Variants in PTK6 observed in about 807,000 individuals in gnomAD.
PTK6 encodes protein tyrosine kinase 6.
PTK6 carries 47 observed loss-of-function variants against 47.5 expected under a neutral mutation model. The ratio of observed to expected loss-of-function variants is 0.99; its 90% confidence interval spans 0.78 to 1.26. PTK6 has a LOEUF of 1.26. PTK6 is among the 50% of genes most tolerant of loss of function. PTK6 has a pLI of 0.00. For synonymous variants in PTK6, 287 were observed against 276.5 expected (o/e 1.04, Z -0.38); for missense variants, 618 against 625.3 (o/e 0.99, Z 0.12).
intron 5 of PTK6, among the ~76,000 whole-genome samples, chr20:63,531,662 G>A (rs2082622753): frequency 6.6e-6 from 1 of 151,598 alleles, no homozygotes; most frequent in Non-Finnish European, 1.5e-5. Context: ...GTCTAGCCCA[G>A]CGATTTCCCT....
In PTK6 at chr20:63,534,306, G is replaced by A. The variant is rs914062739; in HGVS notation, c.362C>T (p.Thr121Met). The part of the protein sequence containing the change: ...SADYVLSVRD[T>M]QAVRHYKIWR... ...GATCTTGTAGTGCCGCACAGCCTGC[G>A]TGTCCCGCACTGGGAGGGAGAGCGT... The change falls in exon 3 of 8, where the codon ACG becomes ATG. Residue 121 changes from threonine (T) to methionine (M), a missense_variant. Coordinates refer to ENST00000542869, the MANE Select transcript of PTK6 (RefSeq NM_005975.4). The A allele has an allele frequency of 6.2e-6, 10 of 1,603,360 alleles. No individual in the cohort carries two copies. The highest frequency in any genetic ancestry group is 2.2e-5 in the East Asian group (1 of 44,702).
chr20:63,530,721 C>T lies in PTK6; in HGVS notation c.1014+25G>A. 2.5e-6 allele frequency: 4 copies of T among 1,610,842 alleles called. No homozygotes were observed. Among genetic ancestry groups the T allele is most frequent in the Non-Finnish European group, 3.4e-6 (4 of 1,178,738 alleles). On this transcript the variant is annotated intron_variant, in intron 6 of 7. Coordinates refer to ENST00000542869, the MANE Select transcript of PTK6 (RefSeq NM_005975.4). This position sits in a 1 kb window ranked among gnomAD's most constrained non-coding sequence, Gnocchi z 4.1. ...TCCGGCCACGCCCCGGCCACGACCCCAGCCACGCCCTCTGAGGGCCCTACC... is the reference window on the plus strand; with the variant it reads ...TCCGGCCACGCCCCGGCCACGACCCTAGCCACGCCCTCTGAGGGCCCTACC...
intron 5 of PTK6, among the ~76,000 whole-genome samples, chr20:63,532,002 G>C (rs1030140319): frequency 6.6e-6 from 1 of 152,220 alleles, no homozygotes; most frequent in Non-Finnish European, 1.5e-5. Context: ...TTCTAACATC[G>C]GAATCCAAAC....
intron 5 of PTK6, among the ~76,000 whole-genome samples, chr20:63,531,890 G>A (rs1358448303): frequency 1.3e-5 from 2 of 152,206 alleles, no homozygotes; most frequent in Admixed American, 6.5e-5. Context: ...GAGGGCGAGG[G>A]GTACGGAGCC....
chr20:63,529,783 C>A lies in PTK6; in HGVS notation c.1169-60G>T. 1 of 1,462,670 alleles carries A rather than the reference C, an allele frequency of 6.8e-7. No individual in the cohort carries two copies. Among genetic ancestry groups the A allele is most frequent in the Non-Finnish European group, 9.2e-7 (1 of 1,091,378 alleles). 90.6% of individuals were successfully genotyped at this position (1,462,670 alleles called of 1,614,324 possible). A position where few individuals can be genotyped will look rare whatever the true frequency, so the allele number is the denominator to read the frequency against. ...ACCTGCCTACCCTCCCCCAAGAAGCCACACCAGCCATCCACTGCCCCTTCC... is the reference window on the plus strand; with the variant it reads ...ACCTGCCTACCCTCCCCCAAGAAGCAACACCAGCCATCCACTGCCCCTTCC... On this transcript the variant is annotated intron_variant, in intron 7 of 7. Coordinates refer to ENST00000542869, the MANE Select transcript of PTK6 (RefSeq NM_005975.4). This position sits in a 1 kb window ranked among gnomAD's most constrained non-coding sequence, Gnocchi z 5.6.
In PTK6 at chr20:63,529,637, GC is replaced by G. The variant is rs1340711883; in HGVS notation, c.1254del (p.Lys418AsnfsTer2). 1 of 1,548,842 alleles carries G rather than the reference GC, an allele frequency of 6.5e-7. No individual in the cohort carries two copies. Among genetic ancestry groups the G allele is most frequent in the Admixed American group, 2.0e-5 (1 of 49,550 alleles). Reference sequence around the variant, plus strand: ...TCCCTGCACCAGCATGTCAGCATCAGCTTGTGCACGCTGGGCGGGCACTCCA... The same window carrying G: ...TCCCTGCACCAGCATGTCAGCATCAGTTGTGCACGCTGGGCGGGCACTCCA... ...CPLECPPSVH[K>X]LMLTCWCRDP... is the part of the protein sequence containing the mutation. On this transcript the variant is annotated frameshift_variant, in exon 8 of 8. Transcript: ENST00000542869. LOFTEE classifies it low-confidence loss of function (END_TRUNC). This position sits in a 1 kb window ranked among gnomAD's most constrained non-coding sequence, Gnocchi z 5.6.
In PTK6 at chr20:63,529,283, G is replaced by C. The variant is rs1031235105; in HGVS notation, c.*253C>G. The C allele has an allele frequency of 5.9e-5, 23 of 386,894 alleles. No individual in the cohort carries two copies. Among genetic ancestry groups the C allele is most frequent in the African/African-American group, 4.9e-4 (23 of 47,362 alleles). 24.0% of individuals were successfully genotyped at this position (386,894 alleles called of 1,614,324 possible). On this transcript the variant is annotated 3_prime_UTR_variant, in exon 8 of 8. Transcript: ENST00000542869. The surrounding 1 kb of genome is among the most constrained non-coding windows in gnomAD (Gnocchi z 5.6). The stretch of plus-strand genomic sequence containing the variant: ...CCCCTCTGACCTCTGCTGGCTTCGT[G>C]TCAGTCTCCCGGATCTCATCTGCAG...
At chr20:63,532,266 GTA>G (rs1465054972) in intron 5 of PTK6, among the ~76,000 whole-genome samples, 2 of 140,848 alleles carry the variant, frequency 1.4e-5, no homozygotes, top group Admixed American at 6.7e-5. Flanking sequence ...GTGTCTATGT[GTA>G]TGTCTGTGTG....
chr20:63,534,239 C>T lies in PTK6; in HGVS notation c.429G>A (p.Val143=). ...AGGRLHLNEA[V]SFLSLPELVN... ...CAAGCTCGGGCAGGCTGAGGAAGGA[C>T]ACCGCCTCGTTCAGGTGCAGCCGGC... Residue 143 remains valine, a synonymous_variant, in exon 3 of 8, where the codon GTG becomes GTA. Coordinates refer to ENST00000542869, the MANE Select transcript of PTK6 (RefSeq NM_005975.4). 1 of 1,606,158 alleles carries T rather than the reference C, an allele frequency of 6.2e-7. No homozygotes were observed. Among genetic ancestry groups the T allele is most frequent in the Non-Finnish European group, 8.5e-7 (1 of 1,177,456 alleles).
Position 63,530,297 on chromosome 20 carries a change from G to T in PTK6, c.1015-66C>A. ...TGTGCCCTGCCCCCGAAGCATGGAC[G>T]GGCACAGCGGCCGCATTGCCCCAGC... On this transcript the variant is annotated intron_variant, in intron 6 of 7. Coordinates refer to ENST00000542869, the MANE Select transcript of PTK6 (RefSeq NM_005975.4). This position sits in a 1 kb window ranked among gnomAD's most constrained non-coding sequence, Gnocchi z 4.1. 6.3e-7 allele frequency: 1 copy of T among 1,581,868 alleles called. No individual in the cohort carries two copies. Among genetic ancestry groups the T allele is most frequent in the South Asian group, 1.1e-5 (1 of 88,224 alleles).
rs373307439 is a variant in PTK6, at chr20:63,533,537, C to A, written c.670+14G>T. 1 of 1,594,328 alleles carries A rather than the reference C, an allele frequency of 6.3e-7. No individual in the cohort carries two copies. Among genetic ancestry groups the A allele is most frequent in the Non-Finnish European group, 8.6e-7 (1 of 1,168,128 alleles). ...GCACGGGGCCACACAGAGCCCTGAT[C>A]GGGGCCCACTCACCTCGAGAAATCA... On this transcript the variant is annotated intron_variant, in intron 4 of 7. Coordinates refer to ENST00000542869, the MANE Select transcript of PTK6 (RefSeq NM_005975.4). The surrounding 1 kb of genome is among the most constrained non-coding windows in gnomAD (Gnocchi z 4.0).
chr20:63,530,151 G>A lies in PTK6; in HGVS notation c.1095C>T (p.Ser365=), dbSNP rs1294226258. ...CAAAGGACCAGACGTCGGATTTGGT[G>A]GAGTAATGGCCTCGGGAGAGCGCTT... is the stretch of plus-strand genomic sequence containing the variant. ...APEALSRGHY[S]TKSDVWSFGI... Residue 365 remains serine, a synonymous_variant, in exon 7 of 8, where the codon TCC becomes TCT. Transcript: ENST00000542869. The surrounding 1 kb of genome is among the most constrained non-coding windows in gnomAD (Gnocchi z 4.1). The A allele has an allele frequency of 6.2e-7, 1 of 1,614,102 alleles. No individual in the cohort carries two copies. Among genetic ancestry groups the A allele is most frequent in the Non-Finnish European group, 8.5e-7 (1 of 1,179,994 alleles).
In PTK6 at chr20:63,537,247, GTC is replaced by G; in HGVS notation, c.66_67del (p.Thr23GlyfsTer153). On this transcript the variant is annotated frameshift_variant, in exon 1 of 8. Transcript: ENST00000542869. LOFTEE classifies it high-confidence loss of function. ...CGCGCGGAAGCTCAGCTCCTCGTCC[GTC>G]CGGGACTTGAAGTCCCAGAGGCCCA... is the stretch of plus-strand genomic sequence containing the variant. 1 of 1,612,366 alleles carries G rather than the reference GTC, an allele frequency of 6.2e-7. No individual in the cohort carries two copies. The highest frequency in any genetic ancestry group is 8.5e-7 in the Non-Finnish European group (1 of 1,179,792).
chr20:63,534,564 T>A (rs1040364965), intron 2 of PTK6, among the ~76,000 whole-genome samples: 1 of 152,160 alleles, frequency 6.6e-6, no homozygotes, highest in Non-Finnish European at 1.5e-5. Context: ...GGCAGCTGCC[T>A]AAAATCCCAG....
At chr20:63,534,114 C>T in intron 3 of PTK6, 38 bp downstream of exon 3, 1 of 1,502,114 alleles carries the variant, frequency 6.7e-7, no homozygotes, top group Non-Finnish European at 8.9e-7. Context: ...GACCCCCCAG[C>T]CTGACCCCGC....
rs527949664 is a variant in PTK6, at chr20:63,529,847, G to A, written c.1169-124C>T. The stretch of plus-strand genomic sequence containing the variant: ...GCAGCCTCAGCTGCCATGCCTTGGC[G>A]CCACCCAGCACACTGTCCACTGCTA... On this transcript the variant is annotated intron_variant, in intron 7 of 7. Coordinates refer to ENST00000542869, the MANE Select transcript of PTK6 (RefSeq NM_005975.4). This position sits in a 1 kb window ranked among gnomAD's most constrained non-coding sequence, Gnocchi z 5.6. 53 of 1,195,432 alleles carry A rather than the reference G, an allele frequency of 4.4e-5. No homozygotes were observed. In the African/African-American group the frequency reaches 4.7e-4, roughly 11 times the overall value. 74.1% of individuals were successfully genotyped at this position (1,195,432 alleles called of 1,614,324 possible). A position where few individuals can be genotyped will look rare whatever the true frequency, so the allele number is the denominator to read the frequency against.
At chr20:63,532,355 CTGTGCG>C (rs2082630564) in intron 5 of PTK6, among the ~76,000 whole-genome samples, 165 bp downstream of exon 5, 1 of 143,094 alleles carries the variant, frequency 7.0e-6, no homozygotes, top group African/African-American at 2.6e-5. Context: ...GCATGTGTGT[CTGTGCG>C]TGTGTGTCTC....
rs780183628 is a variant in PTK6 at position 63,537,099 on chromosome 20, C to T, written c.216G>A (p.Thr72=). ...AGGACACGCACGGTTCCGACTCCAC[C>T]GTCTCCCTCTCGGCCAGGTAGTTGT... The part of the protein sequence containing the change: ...VPHNYLAERE[T]VESEPWFFGC... Residue 72 remains threonine (T), a synonymous_variant, in exon 1 of 8, where the codon ACG becomes ACA. Coordinates refer to ENST00000542869, the MANE Select transcript of PTK6 (RefSeq NM_005975.4). 8.7e-6 allele frequency: 14 copies of T among 1,609,508 alleles called. No homozygotes were observed. Among genetic ancestry groups the T allele is most frequent in the East Asian group, 6.7e-5 (3 of 44,618 alleles).
At chr20:63,535,861 C>G (rs1297505544) in intron 1 of PTK6, among the ~76,000 whole-genome samples, 2 of 34,478 alleles carry the variant, frequency 5.8e-5, no homozygotes, top group Middle Eastern at 0.012. Flanking sequence ...GCCTCCCGCC[C>G]CCTCCTCACC....
Sources: allele counts gnomAD v4.1 joint callset (sites outside exome capture counted in the v4.1 genomes callset), GRCh38; gene constraint gnomAD v4.1.1; non-coding constraint Gnocchi (gnomAD v3.1); transcripts MANE v1.5; gene names NCBI Gene and HGNC (gene_info 2026-07-23, HGNC 2026-07-21).